The following WASF1 variants were observed in gnomAD, a reference collection of about 807,000 sequenced individuals.
The protein encoded by WASF1 is actin-binding protein WASF1.
A neutral mutation model predicts 50.5 loss-of-function variants in WASF1; 7 were observed. The observed-to-expected ratio is 0.14, with a 90% CI of 0.08 to 0.26. The LOEUF (loss-of-function observed/expected upper bound fraction) is 0.26. Ranked by LOEUF, WASF1 falls within the 10% of genes least tolerant of loss-of-function variation. The probability of loss-of-function intolerance (pLI) is 1.00; values close to 1 mark genes in which losing one functional copy is unlikely to be tolerated. For missense variants in WASF1, 470 were observed against 694.7 expected, an observed-to-expected ratio of 0.68 and a Z score of 3.64; for synonymous variants, 205 against 244.0, an observed-to-expected ratio of 0.84 and a Z score of 1.49.
At chr6:110,178,103 A>G (rs1359930581) in intron 2 of WASF1, among the ~76,000 whole-genome samples, 1 of 152,098 alleles carries the variant, frequency 6.6e-6, no homozygotes, top group Non-Finnish European at 1.5e-5. Flanking sequence ...AAAATCAGAT[A>G]AATTAGGGAA....
intron 4 of WASF1, among the ~76,000 whole-genome samples, chr6:110,119,729 C>G: frequency 6.6e-6 from 1 of 152,214 alleles, no homozygotes; most frequent in East Asian, 1.9e-4. Context: ...CTGGTAGAGA[C>G]ACAACAAAAA....
intron 4 of WASF1, among the ~76,000 whole-genome samples, chr6:110,122,239 CAAAA>C (rs55836821): frequency 8.8e-6 from 1 of 114,166 alleles, no homozygotes; most frequent in Non-Finnish European, 1.9e-5. Context: ...AAATGGAATC[CAAAA>C]AAAAAAAAAA....
intron 3 of WASF1, among the ~76,000 whole-genome samples, chr6:110,145,562 T>G (rs1441625007): frequency 6.6e-6 from 1 of 152,140 alleles, no homozygotes; most frequent in Non-Finnish European, 1.5e-5. Context: ...ATGCTTCCAG[T>G]TTTTGTCCAT....
intron 2 of WASF1, among the ~76,000 whole-genome samples, chr6:110,167,106 G>A (rs575651592): frequency 1.3e-4 from 20 of 151,644 alleles, no homozygotes; most frequent in Non-Finnish European, 2.5e-4. Flanking sequence ...CATACACAAT[G>A]TAGACATCAT....
intron 4 of WASF1, among the ~76,000 whole-genome samples, chr6:110,124,262 CTCTCTCTCTCTCTATATATATATA>C (rs1774304685): frequency 1.6e-5 from 1 of 61,610 alleles, no homozygotes; most frequent in African/African-American, 8.2e-5. Flanking sequence ...CTCTCTCTCT[CTCTCTCTCTCTCTATATATATATA>C]TATATATATA....
At chr6:110,164,133 T>C (rs1329454224) in intron 2 of WASF1, among the ~76,000 whole-genome samples, 1 of 151,534 alleles carries the variant, frequency 6.6e-6, no homozygotes, top group Admixed American at 6.6e-5. Flanking sequence ...AAAATCAAGA[T>C]GACTTTGGGT....
chr6:110,132,698 T>G (rs1418030119), intron 3 of WASF1, among the ~76,000 whole-genome samples: 1 of 151,206 alleles, frequency 6.6e-6, no homozygotes, highest in Non-Finnish European at 1.5e-5. Flanking sequence ...TCTCACCCTT[T>G]CTCCCAAGTC....
intron 4 of WASF1, among the ~76,000 whole-genome samples, chr6:110,117,445 GAAGAA>G (rs572648304): frequency 9.9e-5 from 15 of 152,076 alleles, no homozygotes; most frequent in African/African-American, 3.1e-4. Context: ...AATAAAACGA[GAAGAA>G]AAGATCAGAT....
At chr6:110,179,332 A>G (rs1418583842) in intron 1 of WASF1, 107 bp downstream of exon 1, 2 of 152,110 alleles carry the variant, frequency 1.3e-5, no homozygotes, top group African/African-American at 4.8e-5. Context: ...CATCCCCGTC[A>G]CCTTTGCGGG....
intron 4 of WASF1, among the ~76,000 whole-genome samples, chr6:110,120,705 C>CA (rs1204401741): frequency 1.3e-5 from 2 of 152,138 alleles, no homozygotes; most frequent in Admixed American, 1.3e-4. Flanking sequence ...TCATATGGAA[C>CA]AAAAAAAGAG....
chr6:110,124,274 C>CTCTATATA (rs1331534646), intron 4 of WASF1, among the ~76,000 whole-genome samples: 8 of 20,502 alleles, frequency 3.9e-4, no homozygotes, highest in Admixed American at 7.4e-4. Context: ...CTCTCTCTCT[C>CTCTATATA]TATATATATA....
intron 3 of WASF1, among the ~76,000 whole-genome samples, chr6:110,129,738 A>T (rs1427327835): frequency 6.6e-6 from 1 of 152,206 alleles, no homozygotes; most frequent in East Asian, 1.9e-4. Flanking sequence ...TTTTTTTACA[A>T]AGAAATAAAA....
chr6:110,137,799 C>G (rs1160515595), intron 3 of WASF1, among the ~76,000 whole-genome samples: 1 of 152,210 alleles, frequency 6.6e-6, no homozygotes, highest in African/African-American at 2.4e-5. Flanking sequence ...GAAAGAAAAG[C>G]CAGGTGGAAA....
At chr6:110,176,059 A>T (rs1000773403) in intron 2 of WASF1, among the ~76,000 whole-genome samples, 4 of 152,078 alleles carry the variant, frequency 2.6e-5, no homozygotes, top group African/African-American at 9.7e-5. Context: ...CTCAAGTTCC[A>T]AACCATTTTA....
At chr6:110,110,998 G>A (rs989635264) in intron 5 of WASF1, among the ~76,000 whole-genome samples, 8 of 152,054 alleles carry the variant, frequency 5.3e-5, no homozygotes, top group African/African-American at 7.2e-5. Flanking sequence ...CAGTATAGCT[G>A]TTGACATATT....
chr6:110,131,664 C>A (rs757795907), intron 3 of WASF1, among the ~76,000 whole-genome samples: 1 of 152,048 alleles, frequency 6.6e-6, no homozygotes, highest in Non-Finnish European at 1.5e-5. Context: ...CCACAACACC[C>A]GGCTAATTTT....
Position 110,143,480 on chromosome 6 carries a change from A to T in WASF1, c.-28-15851T>A, listed in dbSNP as rs531254422. ...AAAGTATTAAAAATAACCCAAGATC[A>T]GATGTCATAATGATTTTATGAATTG... On this transcript the variant is annotated intron_variant, in intron 3 of 10. Coordinates refer to ENST00000392589, the MANE Select transcript of WASF1 (RefSeq NM_003931.3). 9.2e-5 allele frequency among the ~76,000 whole-genome samples: 14 copies of T among 152,212 alleles called. 1 individual carries two copies. The East Asian group carries it at 2.7e-3, about 29-fold the overall frequency.
At position 110,113,428 on chromosome 6, in the gene WASF1, A is replaced by G. The variant is rs748559719; in HGVS notation, c.166T>C (p.Phe56Leu). 4 of 1,601,368 alleles carry G rather than the reference A, an allele frequency of 2.5e-6. No homozygotes were observed. Among genetic ancestry groups the G allele is most frequent in the South Asian group, 1.1e-5 (1 of 88,422 alleles). The change falls in exon 5 of 11, where the codon TTC becomes CTC. Residue 56 changes from phenylalanine to leucine, a missense_variant. Physicochemically the swap from Phe to Leu is conservative, Grantham distance 22 (BLOSUM62 0). Around this residue, in one of 3 missense-constraint regions of WASF1, gnomAD observed 140 missense variants for 260.5 expected, o/e 0.54. Coordinates refer to ENST00000392589, the MANE Select transcript of WASF1 (RefSeq NM_003931.3). ...KYAEDIFGEL[F>L]NEAHSFSFRV... ...AAGGAAAAACTATGTGCTTCATTGA[A>G]TAATTCTCCAAATATATCTTCAGCA...
intron 2 of WASF1, among the ~76,000 whole-genome samples, chr6:110,169,605 A>C (rs1776611830): frequency 6.6e-6 from 1 of 152,148 alleles, no homozygotes; most frequent in South Asian, 2.1e-4. Flanking sequence ...ATCAGTCCCC[A>C]ACACTCACCT....
Sources: gnomAD v4.1 joint callset for allele counts (sites outside exome capture counted in the v4.1 genomes callset) on GRCh38, gnomAD v4.1.1 for gene constraint, gnomAD v4.1.1 regional missense constraint, MANE v1.5 for transcripts, NCBI Gene and HGNC (gene_info 2026-07-23, HGNC 2026-07-21) for gene names.